IQCM: variants seen among roughly 807,000 people sequenced by gnomAD.
IQCM encodes IQ domain-containing protein M.
Under a neutral mutation model 57.6 loss-of-function variants are expected in IQCM, and 45 were observed. The ratio of observed to expected loss-of-function variants is 0.78; its 90% confidence interval spans 0.62 to 1.00. The LOEUF (loss-of-function observed/expected upper bound fraction) is 1.00, where lower values mean the gene tolerates loss of function less well. Ranked by LOEUF, IQCM falls within the 50% of genes least tolerant of loss-of-function variation. IQCM has a pLI of 0.00. For missense variants in IQCM, 468 were observed against 511.6 expected (o/e 0.91, Z 0.82); for synonymous variants, 148 against 158.9 (o/e 0.93, Z 0.51).
chr4:149,545,329 C>T (rs1003173002), intron 12 of IQCM, among the ~76,000 whole-genome samples: 2 of 151,858 alleles, frequency 1.3e-5, no homozygotes, highest in African/African-American at 4.8e-5. Flanking sequence ...GATTAATATC[C>T]AAAATAAATG....
At chr4:149,491,921 T>C (rs572575445) in intron 12 of IQCM, among the ~76,000 whole-genome samples, 19 of 152,270 alleles carry the variant, frequency 1.2e-4, no homozygotes, top group African/African-American at 4.3e-4. Context: ...GCATTTGTTA[T>C]CTTTCATTTT....
chr4:149,365,898 T>C (rs904410586), intron 13 of IQCM, among the ~76,000 whole-genome samples: 4 of 152,102 alleles, frequency 2.6e-5, no homozygotes, highest in African/African-American at 9.7e-5. Flanking sequence ...TAGAATTAGA[T>C]GCTGGAATGG....
At chr4:149,567,131 A>G (rs367962238) in intron 9 of IQCM, among the ~76,000 whole-genome samples, 1 of 152,174 alleles carries the variant, frequency 6.6e-6, no homozygotes, top group East Asian at 1.9e-4. Context: ...CTTTTATCAC[A>G]TAAGTATTCC....
chr4:149,721,173 T>C (rs997391624), intron 5 of IQCM, among the ~76,000 whole-genome samples: 1 of 152,162 alleles, frequency 6.6e-6, no homozygotes, highest in Non-Finnish European at 1.5e-5. Flanking sequence ...ACAACCACTA[T>C]TTACATGGGA....
chr4:149,604,025 T>C (rs76811741), intron 8 of IQCM, among the ~76,000 whole-genome samples: 168 of 152,240 alleles, frequency 1.1e-3, no homozygotes, highest in African/African-American at 3.9e-3. Context: ...CTCTGAAATG[T>C]ATAAAAAGCT....
At chr4:149,731,421 G>C (rs2149883340) in intron 5 of IQCM, among the ~76,000 whole-genome samples, 1 of 152,074 alleles carries the variant, frequency 6.6e-6, no homozygotes, top group South Asian at 2.1e-4. Context: ...CTTGATCTTG[G>C]ATTTCCCGCT....
rs148515222 is a variant in IQCM at position 149,800,655 on chromosome 4, A to G, written c.-49+14656T>C. Among the ~76,000 whole-genome samples, 13 of 152,146 alleles carry G rather than the reference A, an allele frequency of 8.5e-5. No individual in the cohort carries two copies. In the East Asian group the frequency reaches 1.7e-3, roughly 20 times the overall value. ...AAAAATTTCAGTAAATTTGCAGCAT[A>G]TAAAGTCAACACAGAAAAAGTAGTA... On this transcript the variant is annotated intron_variant, in intron 2 of 13. Coordinates refer to ENST00000636793, the MANE Select transcript of IQCM (RefSeq NM_001363507.2).
intron 13 of IQCM, among the ~76,000 whole-genome samples, chr4:149,422,352 A>G (rs1233859389): frequency 6.6e-6 from 1 of 151,996 alleles, no homozygotes; most frequent in African/African-American, 2.4e-5. Context: ...CAACAAGTTT[A>G]CAAGGCTAGG....
intron 5 of IQCM, among the ~76,000 whole-genome samples, chr4:149,712,383 A>G (rs757254645): frequency 6.6e-6 from 1 of 152,040 alleles, no homozygotes; most frequent in Non-Finnish European, 1.5e-5. Context: ...ACACATACAC[A>G]CACAGTCTTC....
At chr4:149,771,508 C>A (rs1277803570) in intron 2 of IQCM, among the ~76,000 whole-genome samples, 2 of 151,982 alleles carry the variant, frequency 1.3e-5, no homozygotes, top group Non-Finnish European at 2.9e-5. Flanking sequence ...GAGTAAAATC[C>A]TTTTCTCATT....
chr4:149,741,228 G>T (rs188709098), intron 3 of IQCM, among the ~76,000 whole-genome samples: 7 of 152,148 alleles, frequency 4.6e-5, no homozygotes, highest in Admixed American at 2.6e-4. Context: ...GTCTCTTACT[G>T]ACTTACTTTC....
intron 8 of IQCM, 58 bp from the exon 9 acceptor site, chr4:149,588,055 A>C (rs1752799375): frequency 2.8e-6 from 2 of 707,850 alleles, no homozygotes; most frequent in South Asian, 1.4e-4. Context: ...TCACCTATAA[A>C]ATTTTAATTC....
At chr4:149,494,673 C>G (rs918116996) in intron 12 of IQCM, among the ~76,000 whole-genome samples, 4 of 152,014 alleles carry the variant, frequency 2.6e-5, no homozygotes, top group Non-Finnish European at 4.4e-5. Flanking sequence ...GGCTTCTTGA[C>G]AAGCATAAAG....
At chr4:149,688,808 C>T (rs1212800242) in intron 5 of IQCM, among the ~76,000 whole-genome samples, 2 of 151,944 alleles carry the variant, frequency 1.3e-5, no homozygotes, top group Non-Finnish European at 2.9e-5. Flanking sequence ...CTAATATTTA[C>T]AGCCATCTGA....
intron 5 of IQCM, among the ~76,000 whole-genome samples, chr4:149,692,359 ATCTATC>A (rs1234220699): frequency 6.6e-6 from 1 of 152,240 alleles, no homozygotes; most frequent in African/African-American, 2.4e-5. Flanking sequence ...CATCAACAGT[ATCTATC>A]TTTGGAAGGA....
intron 9 of IQCM, among the ~76,000 whole-genome samples, chr4:149,572,695 A>T (rs1228722480): frequency 6.6e-6 from 1 of 152,016 alleles, no homozygotes; most frequent in Admixed American, 6.6e-5. Context: ...TCTCAAATAC[A>T]TTTTTTGTTG....
chr4:149,637,275 C>T (rs1480066222), intron 7 of IQCM, among the ~76,000 whole-genome samples: 1 of 149,130 alleles, frequency 6.7e-6, no homozygotes, highest in Non-Finnish European at 1.5e-5. Context: ...GTAAAATCAA[C>T]ATTAATTATA....
chr4:149,613,166 G>A (rs1755455168), intron 8 of IQCM, among the ~76,000 whole-genome samples: 2 of 151,936 alleles, frequency 1.3e-5, no homozygotes, highest in East Asian at 3.9e-4. Context: ...AGAAAATCAT[G>A]AGTATGAAAA....
At chr4:149,631,576 A>G (rs184869315) in intron 7 of IQCM, among the ~76,000 whole-genome samples, 5 of 152,322 alleles carry the variant, frequency 3.3e-5, no homozygotes, top group Admixed American at 2.0e-4. Context: ...AAAATCTCAT[A>G]TACCTTGTGC....
Sources: gnomAD v4.1 joint callset for allele counts (sites outside exome capture counted in the v4.1 genomes callset) on GRCh38, gnomAD v4.1.1 for gene constraint, MANE v1.5 for transcripts, NCBI Gene and HGNC (gene_info 2026-07-23, HGNC 2026-07-21) for gene names.